Variants in WDPCP observed in about 807,000 individuals in gnomAD.
WDPCP encodes the protein WD repeat-containing and planar cell polarity effector protein fritz homolog.
WDPCP carries 71 observed loss-of-function variants against 93.1 expected under a neutral mutation model. The observed-to-expected ratio is 0.76, with a 90% CI of 0.63 to 0.93. The LOEUF (loss-of-function observed/expected upper bound fraction) is 0.93, where lower values mean the gene tolerates loss of function less well. Ranked by LOEUF, WDPCP falls within the 40% of genes least tolerant of loss-of-function variation. The pLI, the probability that WDPCP is intolerant of heterozygous loss-of-function variation, is 0.00. For synonymous variants in WDPCP, 315 were observed against 315.0 expected, an observed-to-expected ratio of 1.00 and a Z score of 0.00; for missense variants, 844 against 887.4, an observed-to-expected ratio of 0.95 and a Z score of 0.62.
chr2:63,684,348 G>T (rs1422270689), intron 2 of WDPCP: 4 of 682,028 alleles, frequency 5.9e-6, no homozygotes, highest in Non-Finnish European at 1.1e-5. Context: ...GCTTGTCCTG[G>T]CTGGACACTA....
At chr2:63,829,324 C>T (rs556033027), upstream of WDPCP, among the ~76,000 whole-genome samples, 1 of 152,242 alleles carries the variant, frequency 6.6e-6, no homozygotes, top group South Asian at 2.1e-4. Flanking sequence ...ATTGCCACAG[C>T]TTGAAAACAC....
At chr2:63,372,719 T>C (rs1179747306) in intron 12 of WDPCP, among the ~76,000 whole-genome samples, 1 of 152,222 alleles carries the variant, frequency 6.6e-6, no homozygotes, top group Admixed American at 6.6e-5. Flanking sequence ...ACTGAAGCTA[T>C]GTTACACACA....
chr2:63,743,687 T>A (rs1440314457), intron 2 of WDPCP, among the ~76,000 whole-genome samples: 9 of 152,130 alleles, frequency 5.9e-5, no homozygotes, highest in Admixed American at 5.9e-4. Context: ...CAACTTGATA[T>A]CAAGTGATCT....
intron 2 of WDPCP, among the ~76,000 whole-genome samples, chr2:63,786,710 G>C (rs1670470888): frequency 6.6e-6 from 1 of 152,128 alleles, no homozygotes; most frequent in African/African-American, 2.4e-5. Context: ...CATACGTAAA[G>C]CATGATCCGC....
chr2:63,679,020 G>T (rs1170281410), intron 2 of WDPCP, among the ~76,000 whole-genome samples: 1 of 152,194 alleles, frequency 6.6e-6, no homozygotes, highest in East Asian at 1.9e-4. Flanking sequence ...GACCTAGCCT[G>T]GAGCTTGCTC....
intron 2 of WDPCP, among the ~76,000 whole-genome samples, chr2:63,675,744 G>A (rs1274857210): frequency 6.6e-6 from 1 of 152,078 alleles, no homozygotes; most frequent in Non-Finnish European, 1.5e-5. Context: ...AATTTATTTA[G>A]GAATTCAGTT....
At chr2:63,705,837 A>G (rs1412630448) in intron 2 of WDPCP, among the ~76,000 whole-genome samples, 2 of 151,270 alleles carry the variant, frequency 1.3e-5, no homozygotes, top group Non-Finnish European at 3.0e-5. Flanking sequence ...GCTGAGTTCA[A>G]TTCCTGGATA....
At chr2:63,546,257 G>A (rs1302348810) in intron 1 of WDPCP, among the ~76,000 whole-genome samples, 2 of 152,154 alleles carry the variant, frequency 1.3e-5, no homozygotes, top group Non-Finnish European at 2.9e-5. Flanking sequence ...TTTTATGCAT[G>A]ACGTATGTGG....
chr2:63,788,360 G>A (rs199870447), intron 2 of WDPCP, among the ~76,000 whole-genome samples: 5 of 152,072 alleles, frequency 3.3e-5, no homozygotes, highest in African/African-American at 4.8e-5. Context: ...CAGATATAAC[G>A]CTAAACAGAA....
chr2:63,478,242 AG>A (rs1186039782), intron 6 of WDPCP, among the ~76,000 whole-genome samples: 1 of 152,144 alleles, frequency 6.6e-6, no homozygotes, highest in African/African-American at 2.4e-5. Context: ...AGTATTAGCA[AG>A]GGACTTCAAT....
chr2:63,667,590 CCT>C (rs1338322746), intron 2 of WDPCP, among the ~76,000 whole-genome samples: 1 of 152,074 alleles, frequency 6.6e-6, no homozygotes, highest in African/African-American at 2.4e-5. Flanking sequence ...AGTTTCTCTC[CCT>C]GTTATCATGT....
At chr2:63,584,889 T>C (rs934172813) in intron 1 of WDPCP, among the ~76,000 whole-genome samples, 2 of 152,136 alleles carry the variant, frequency 1.3e-5, no homozygotes, top group Non-Finnish European at 2.9e-5. Flanking sequence ...TCTGGAAACA[T>C]GTAATTATCA....
intron 3 of WDPCP, among the ~76,000 whole-genome samples, chr2:63,640,505 A>C (rs769402044): frequency 1.3e-5 from 2 of 152,190 alleles, no homozygotes; most frequent in Non-Finnish European, 2.9e-5. Context: ...AACACAAAAC[A>C]AAACCAAACA....
At chr2:63,275,545 G>A (rs1010193900) in intron 13 of WDPCP, among the ~76,000 whole-genome samples, 1 of 152,090 alleles carries the variant, frequency 6.6e-6, no homozygotes, top group Non-Finnish European at 1.5e-5. Context: ...ACTCAGTAAA[G>A]TTTCAGTTTA....
chr2:63,475,392 T>A (rs1329465922), intron 6 of WDPCP, among the ~76,000 whole-genome samples: 1 of 152,124 alleles, frequency 6.6e-6, no homozygotes, highest in African/African-American at 2.4e-5. Flanking sequence ...CTTAACCAAC[T>A]ACTTTAATCA....
intron 17 of WDPCP, among the ~76,000 whole-genome samples, chr2:63,151,362 C>G (rs778804741): frequency 6.6e-6 from 1 of 152,076 alleles, no homozygotes; most frequent in Admixed American, 6.6e-5. Flanking sequence ...GTAGCTGTGA[C>G]TACAGGTACA....
At chr2:63,723,896 C>G (rs762700233) in intron 2 of WDPCP, among the ~76,000 whole-genome samples, 12 of 152,194 alleles carry the variant, frequency 7.9e-5, no homozygotes, top group Admixed American at 3.9e-4. Flanking sequence ...TGGTATTACA[C>G]AACTCTTGAA....
At chr2:63,299,141 A>G (rs1256373292) in intron 13 of WDPCP, among the ~76,000 whole-genome samples, 2 of 152,192 alleles carry the variant, frequency 1.3e-5, no homozygotes, top group Non-Finnish European at 2.9e-5. Flanking sequence ...ACAGGCTGCT[A>G]TTGACCAATC....
At chr2:63,618,010 T>C (rs1364815659) in intron 3 of WDPCP, among the ~76,000 whole-genome samples, 2 of 152,250 alleles carry the variant, frequency 1.3e-5, no homozygotes. Context: ...ATTCTTTATC[T>C]GTACTGTTTG....
Sources: gnomAD v4.1 joint callset for allele counts (sites outside exome capture counted in the v4.1 genomes callset) on GRCh38, gnomAD v4.1.1 for gene constraint, MANE v1.5 for transcripts, NCBI Gene and HGNC (gene_info 2026-07-23, HGNC 2026-07-21) for gene names.